ARHGEF7: variants seen among roughly 807,000 people sequenced by gnomAD.
ARHGEF7 encodes Rho guanine nucleotide exchange factor 7.
In ARHGEF7, 33 loss-of-function variants were observed where a neutral mutation model predicts 109.8. The ratio of observed to expected loss-of-function variants is 0.30; its 90% CI spans 0.23 to 0.40. The LOEUF is 0.40. ARHGEF7 is among the 10% of genes least tolerant of loss of function. ARHGEF7 has a pLI of 1.00. For synonymous variants in ARHGEF7, 458 were observed against 424.6 expected (o/e 1.08, Z -0.97); for missense variants, 938 against 1,098.5 (o/e 0.85, Z 2.07).
chr13:111,240,759 GTTT>G (rs1332984386), intron 6 of ARHGEF7, among the ~76,000 whole-genome samples: 1 of 152,016 alleles, frequency 6.6e-6, no homozygotes, highest in Non-Finnish European at 1.5e-5. Context: ...CCACTTTTTG[GTTT>G]TTCTTCTTGG....
intron 3 of ARHGEF7, among the ~76,000 whole-genome samples, chr13:111,207,350 T>C (rs1379394029): frequency 6.6e-6 from 1 of 152,162 alleles, no homozygotes; most frequent in Non-Finnish European, 1.5e-5. Context: ...TGCATATTTG[T>C]AGAGATGGGG....
Position 111,296,400 on chromosome 13 carries a change from A to G in ARHGEF7, c.2311+4106A>G, listed in dbSNP as rs146241703. On this transcript the variant is annotated intron_variant, in intron 19 of 21. Transcript: ENST00000646102. Reference sequence around the variant, plus strand: ...CCTGGGGTCTCCAGTCGTGTGGCACACAGCAGCCCCTGAGAGTGGAATGCT... The same window carrying G: ...CCTGGGGTCTCCAGTCGTGTGGCACGCAGCAGCCCCTGAGAGTGGAATGCT... Among the ~76,000 whole-genome samples the G allele has an allele frequency of 4.6e-3, 699 of 152,282 alleles. 3 individuals are homozygous for G. Among genetic ancestry groups the G allele is most frequent in the Middle Eastern group, 0.01 (3 of 294 alleles).
At position 111,287,135 on chromosome 13, in the gene ARHGEF7, A is replaced by G. The variant is rs557983351; in HGVS notation, c.2044+895A>G. 3.3e-5 allele frequency among the ~76,000 whole-genome samples: 5 copies of G among 152,286 alleles called. No homozygotes were observed. In the South Asian group the frequency reaches 1.0e-3, roughly 32 times the overall value. On this transcript the variant is annotated intron_variant, in intron 17 of 21. Transcript: ENST00000646102. ...GTGAGGTGACCGTGCTGGGGTGTTC[A>G]TTCTTTTCTTGTCCTTGTCACCTGA...
chr13:111,215,489 C>G (rs999697644), intron 4 of ARHGEF7, among the ~76,000 whole-genome samples: 2 of 152,006 alleles, frequency 1.3e-5, no homozygotes, highest in South Asian at 4.2e-4. Flanking sequence ...CTAGGCCTGT[C>G]GTCCCCATGG....
At chr13:111,241,078 G>A in intron 6 of ARHGEF7, 1 of 1,444,208 alleles carries the variant, frequency 6.9e-7, no homozygotes, top group Non-Finnish European at 9.2e-7. Context: ...GGCAGCATAG[G>A]GATTGAGTGG....
chr13:111,164,144 C>T (rs530783462), intron 2 of ARHGEF7, among the ~76,000 whole-genome samples: 46 of 152,178 alleles, frequency 3.0e-4, no homozygotes, highest in Non-Finnish European at 6.3e-4. Context: ...TGTGTCTAGG[C>T]ATTTTCCTTG....
intron 15 of ARHGEF7, among the ~76,000 whole-genome samples, chr13:111,282,595 C>A (rs191592941): frequency 3.3e-5 from 5 of 152,228 alleles, no homozygotes; most frequent in Non-Finnish European, 5.9e-5. Flanking sequence ...CAGCTGTACT[C>A]TGCCCTTGGA....
intron 21 of ARHGEF7, among the ~76,000 whole-genome samples, 192 bp downstream of exon 21, chr13:111,301,724 C>T (rs539137629): frequency 6.6e-6 from 1 of 152,288 alleles, no homozygotes; most frequent in South Asian, 2.1e-4. Context: ...AAAAACCCAT[C>T]TCTACTGAAA....
Position 111,255,237 on chromosome 13 carries a change from G to A in ARHGEF7, c.950+10943G>A, listed in dbSNP as rs2090278906. On this transcript the variant is annotated intron_variant, in intron 8 of 21. Transcript: ENST00000646102. This position sits in a 1 kb window ranked among gnomAD's most constrained non-coding sequence, Gnocchi z 4.1. The stretch of plus-strand genomic sequence containing the variant: ...GGGCTAAGGCGCTGAGTTCCGTTTG[G>A]GGTTGCTGTGCATTTCAGTTGGAGA... Among the ~76,000 whole-genome samples the A allele has an allele frequency of 6.6e-6, 1 of 152,148 alleles. No homozygotes were observed. Among genetic ancestry groups the A allele is most frequent in the Admixed American group, 6.5e-5 (1 of 15,270 alleles).
chr13:111,215,435 CT>C (rs1299299641), intron 4 of ARHGEF7, among the ~76,000 whole-genome samples: 1 of 151,642 alleles, frequency 6.6e-6, no homozygotes, highest in Non-Finnish European at 1.5e-5. Context: ...GAAAGAGGGG[CT>C]GGTGCTGTTT....
chr13:111,267,643 C>T lies in ARHGEF7; in HGVS notation c.1046C>T (p.Ser349Phe). ...LYLTYCANHP[S>F]AVNVLTEHSE... ...CTCACGTATTGTGCCAATCACCCTTCTGCAGTGAATGTCCTCACGGAACAC... is the reference window on the plus strand; with the variant it reads ...CTCACGTATTGTGCCAATCACCCTTTTGCAGTGAATGTCCTCACGGAACAC... The change falls in exon 9 of 22, where the codon TCT (serine) becomes TTT (phenylalanine). Residue 349 changes from serine (S) to phenylalanine (F), a missense_variant. Ser to Phe is a radical substitution (Grantham distance 155). Transcript: ENST00000646102. 1.2e-6 allele frequency: 2 copies of T among 1,614,074 alleles called. No individual in the cohort carries two copies. The highest frequency in any genetic ancestry group is 1.7e-6 in the Non-Finnish European group (2 of 1,179,930).
intron 2 of ARHGEF7, among the ~76,000 whole-genome samples, chr13:111,177,636 C>T (rs1445910995): frequency 6.6e-6 from 1 of 152,202 alleles, no homozygotes; most frequent in Non-Finnish European, 1.5e-5. Flanking sequence ...TCTGGACTAG[C>T]TCAGCTGATG....
chr13:111,294,246 T>C, intron 19 of ARHGEF7: 1 of 985,474 alleles, frequency 1.0e-6, no homozygotes, highest in Non-Finnish European at 1.2e-6. Context: ...TTGTATTACA[T>C]ACGGTAGTCC....
At chr13:111,180,817 C>T (rs1371103824) in intron 2 of ARHGEF7, among the ~76,000 whole-genome samples, 1 of 152,122 alleles carries the variant, frequency 6.6e-6, no homozygotes, top group African/African-American at 2.4e-5. Context: ...ACTGTAGTGT[C>T]CATAATGTTC....
chr13:111,172,450 C>A (rs879480087), intron 2 of ARHGEF7, among the ~76,000 whole-genome samples: 1 of 152,194 alleles, frequency 6.6e-6, no homozygotes, highest in South Asian at 2.1e-4. Flanking sequence ...TTCCAAGTCA[C>A]GTGGTGGTGC....
At chr13:111,135,527 G>A (rs2153350826) in intron 1 of ARHGEF7, among the ~76,000 whole-genome samples, 1 of 152,234 alleles carries the variant, frequency 6.6e-6, no homozygotes, top group African/African-American at 2.4e-5. Context: ...TCCCTTGTAA[G>A]TTGGAAGGTA....
At chr13:111,248,544 G>A (rs1314695059) in intron 8 of ARHGEF7, among the ~76,000 whole-genome samples, 1 of 152,134 alleles carries the variant, frequency 6.6e-6, no homozygotes, top group Non-Finnish European at 1.5e-5. Flanking sequence ...TTTGCTCGTT[G>A]CTTTCTGACC....
intron 8 of ARHGEF7, among the ~76,000 whole-genome samples, chr13:111,262,529 A>G (rs1249980103): frequency 1.1e-4 from 17 of 152,110 alleles, no homozygotes; most frequent in Admixed American, 1.0e-3. Flanking sequence ...TTGCGGCTGG[A>G]GATGTGTATG....
intron 2 of ARHGEF7, among the ~76,000 whole-genome samples, chr13:111,173,678 T>G (rs2153417763): frequency 6.6e-6 from 1 of 152,298 alleles, no homozygotes; most frequent in South Asian, 2.1e-4. Context: ...TTAAGTCGGC[T>G]TGTGTTTCAT....
Sources: gnomAD v4.1 joint callset for allele counts (sites outside exome capture counted in the v4.1 genomes callset) on GRCh38, gnomAD v4.1.1 for gene constraint, Gnocchi (gnomAD v3.1) non-coding constraint, MANE v1.5 for transcripts, NCBI Gene and HGNC (gene_info 2026-07-23, HGNC 2026-07-21) for gene names.